RAPGEF6: variants seen among roughly 807,000 people sequenced by gnomAD.
RAPGEF6 encodes PDZ domain containing guanine nucleotide exchange factor (GEF) 2.
A neutral mutation model predicts 171.4 loss-of-function variants in RAPGEF6; 56 were observed. The observed-to-expected ratio is 0.33, with a 90% confidence interval of 0.26 to 0.41. The LOEUF (loss-of-function observed/expected upper bound fraction) is 0.41. Among genes scored for constraint, RAPGEF6 ranks in the 10% least tolerant of loss-of-function variants. The probability of loss-of-function intolerance (pLI) is 1.00; values close to 1 mark genes in which losing one functional copy is unlikely to be tolerated. For missense variants in RAPGEF6, 1,674 were observed against 1,921.4 expected (o/e 0.87, Z 2.41); for synonymous variants, 692 against 650.1 (o/e 1.06, Z -0.98).
chr5:131,624,226 G>T (rs1221671243), intron 1 of RAPGEF6, among the ~76,000 whole-genome samples: 1 of 152,196 alleles, frequency 6.6e-6, no homozygotes, highest in Non-Finnish European at 1.5e-5. Context: ...AGAGAAGTTA[G>T]ATAACTTGCC....
At chr5:131,429,262 G>C in intron 26 of RAPGEF6, 46 bp from the exon 27 acceptor site, 9 of 1,342,852 alleles carry the variant, frequency 6.7e-6, no homozygotes, top group Admixed American at 2.6e-5. Context: ...AAAAGAAATG[G>C]AAAAAAAAAG....
intron 24 of RAPGEF6, among the ~76,000 whole-genome samples, chr5:131,438,932 C>CT (rs1427034345): frequency 1.3e-5 from 2 of 151,844 alleles, no homozygotes; most frequent in East Asian, 1.9e-4. Flanking sequence ...CAGTTTCTTT[C>CT]TTTTTTTTGA....
intron 17 of RAPGEF6, among the ~76,000 whole-genome samples, chr5:131,465,768 G>A (rs1460441667): frequency 6.6e-6 from 1 of 152,056 alleles, no homozygotes; most frequent in Non-Finnish European, 1.5e-5. Flanking sequence ...GGGCAACAGA[G>A]TAAGACCCAG....
chr5:131,486,941 A>G (rs545557803), intron 15 of RAPGEF6, among the ~76,000 whole-genome samples: 3 of 152,046 alleles, frequency 2.0e-5, no homozygotes, highest in Non-Finnish European at 4.4e-5. Flanking sequence ...CACCCTCTCA[A>G]TGATCCTGAT....
chr5:131,465,745 T>C (rs1324089108), intron 17 of RAPGEF6, among the ~76,000 whole-genome samples: 1 of 152,018 alleles, frequency 6.6e-6, no homozygotes, highest in Non-Finnish European at 1.5e-5. Flanking sequence ...ATCATGCCAC[T>C]GCACTCCACT....
chr5:131,440,737 CAAAAAAAAAAAA>C (rs1168441695), intron 23 of RAPGEF6, among the ~76,000 whole-genome samples: 13 of 66,860 alleles, frequency 1.9e-4, no homozygotes, highest in Admixed American at 1.5e-3. Flanking sequence ...GACTCTGTCT[CAAAAAAAAAAAA>C]AAAAAAAAAA....
At chr5:131,446,053 G>A (rs1342910478) in intron 22 of RAPGEF6, among the ~76,000 whole-genome samples, 1 of 150,212 alleles carries the variant, frequency 6.7e-6, no homozygotes, top group Non-Finnish European at 1.5e-5. Context: ...ATTTTTTTTT[G>A]TTTTACCTTA....
At position 131,519,064 on chromosome 5, in the gene RAPGEF6, C is replaced by A. The variant is rs137920982; in HGVS notation, c.627+2326G>T. Reference sequence around the variant, plus strand: ...TTGACTGCAAAGGGTCATATGGATACTTTCTGAGGTGATGGAAATATTCTA... The same window carrying A: ...TTGACTGCAAAGGGTCATATGGATAATTTCTGAGGTGATGGAAATATTCTA... On this transcript the variant is annotated intron_variant, in intron 7 of 27. Coordinates refer to ENST00000509018, the MANE Select transcript of RAPGEF6 (RefSeq NM_016340.6). Among the ~76,000 whole-genome samples the A allele has an allele frequency of 2.2e-3, 338 of 152,266 alleles. 2 individuals are homozygous for A. The highest frequency in any genetic ancestry group is 7.8e-3 in the African/African-American group (324 of 41,570).
At chr5:131,615,745 CA>C (rs1177918681) in intron 1 of RAPGEF6, among the ~76,000 whole-genome samples, 2 of 151,898 alleles carry the variant, frequency 1.3e-5, no homozygotes, top group African/African-American at 2.4e-5. Flanking sequence ...ACTAAAAATA[CA>C]AAAAAATTAG....
intron 15 of RAPGEF6, 85 bp from the exon 16 acceptor site, chr5:131,479,838 G>C: frequency 1.5e-6 from 2 of 1,378,466 alleles, no homozygotes; most frequent in Non-Finnish European, 2.0e-6. Context: ...GATAAACACA[G>C]TGACTTTCCA....
At chr5:131,475,081 C>T (rs1755009405) in intron 16 of RAPGEF6, among the ~76,000 whole-genome samples, 1 of 152,120 alleles carries the variant, frequency 6.6e-6, no homozygotes, top group African/African-American at 2.4e-5. Context: ...TTTGAATGCT[C>T]AATAGAGAAA....
intron 1 of RAPGEF6, among the ~76,000 whole-genome samples, chr5:131,633,225 G>A (rs1001525723): frequency 6.6e-6 from 1 of 151,928 alleles, no homozygotes; most frequent in African/African-American, 2.4e-5. Context: ...TCAGCTACTC[G>A]GGAGGGTGAG....
intron 4 of RAPGEF6, among the ~76,000 whole-genome samples, chr5:131,578,692 C>T (rs1367570880): frequency 6.6e-6 from 1 of 152,178 alleles, no homozygotes; most frequent in Non-Finnish European, 1.5e-5. Flanking sequence ...TCCAAATGTT[C>T]CTTTATTCTT....
chr5:131,517,010 A>G (rs139360986), intron 7 of RAPGEF6, among the ~76,000 whole-genome samples: 5 of 152,322 alleles, frequency 3.3e-5, no homozygotes, highest in African/African-American at 1.2e-4. Flanking sequence ...CCTGTTAAGA[A>G]CTGCTGTCAG....
intron 4 of RAPGEF6, among the ~76,000 whole-genome samples, chr5:131,585,177 T>A (rs1369387917): frequency 6.6e-6 from 1 of 151,918 alleles, no homozygotes; most frequent in South Asian, 2.1e-4. Context: ...GGTATCCCTA[T>A]GGAAAACGAC....
At chr5:131,503,382 A>AT (rs1491508214) in intron 11 of RAPGEF6, among the ~76,000 whole-genome samples, 1 of 152,232 alleles carries the variant, frequency 6.6e-6, no homozygotes, top group Non-Finnish European at 1.5e-5. Context: ...ACTAAAACAC[A>AT]TGAGTCCTCA....
At position 131,464,306 on chromosome 5, in the gene RAPGEF6, T is replaced by C. The variant is rs543066840; in HGVS notation, c.2240-25A>G. ...TCTACATAAATAGAAAGATATGCTT[T>C]GTTATTTTTTAAAAAAATCACTTTT... is the stretch of plus-strand genomic sequence containing the variant. On this transcript the variant is annotated intron_variant, in intron 17 of 27. Coordinates refer to ENST00000509018, the MANE Select transcript of RAPGEF6 (RefSeq NM_016340.6). The C allele has an allele frequency of 2.3e-5, 36 of 1,589,980 alleles. 1 individual carries two copies. In the South Asian group the frequency reaches 4.0e-4, roughly 18 times the overall value.
chr5:131,613,857 A>C (rs1765096199), intron 1 of RAPGEF6, among the ~76,000 whole-genome samples: 1 of 152,190 alleles, frequency 6.6e-6, no homozygotes, highest in African/African-American at 2.4e-5. Flanking sequence ...TTCAAGTGTT[A>C]CCAATTAGAC....
intron 16 of RAPGEF6, among the ~76,000 whole-genome samples, chr5:131,478,893 G>T (rs1755282323): frequency 6.6e-6 from 1 of 152,108 alleles, no homozygotes; most frequent in Non-Finnish European, 1.5e-5. Flanking sequence ...TAAACTGAGT[G>T]CCTACTATGT....
Sources: allele counts gnomAD v4.1 joint callset (sites outside exome capture counted in the v4.1 genomes callset), GRCh38; gene constraint gnomAD v4.1.1; transcripts MANE v1.5; gene names NCBI Gene and HGNC (gene_info 2026-07-23, HGNC 2026-07-21).